The following FLT3 variants were observed in gnomAD, a reference collection of about 807,000 sequenced individuals.
The protein encoded by FLT3 is fms related receptor tyrosine kinase 3.
FLT3 carries 46 observed loss-of-function variants against 126.6 expected under a neutral mutation model. That is an observed-to-expected ratio of 0.36 (90% CI 0.29 to 0.46). The LOEUF (loss-of-function observed/expected upper bound fraction) is 0.46, where lower values mean the gene tolerates loss of function less well. FLT3 is among the 20% of genes least tolerant of loss of function. The pLI is 1.00. For synonymous variants in FLT3, 404 were observed against 434.4 expected, an observed-to-expected ratio of 0.93 and a Z score of 0.87; for missense variants, 1,069 against 1,190.3, an observed-to-expected ratio of 0.90 and a Z score of 1.50.
intron 1 of FLT3, among the ~76,000 whole-genome samples, chr13:28,092,253 C>T (rs186630535): frequency 3.9e-5 from 6 of 152,236 alleles, no homozygotes; most frequent in African/African-American, 1.2e-4. Context: ...CTCCCTCTCC[C>T]CAAATCCTCC....
chr13:28,067,204 G>C (rs1877113016), intron 2 of FLT3, among the ~76,000 whole-genome samples: 1 of 151,590 alleles, frequency 6.6e-6, no homozygotes, highest in Non-Finnish European at 1.5e-5. Flanking sequence ...GTATTTTTTA[G>C]CAGAGACGGA....
At chr13:28,024,621 G>C (rs1453142962) in intron 18 of FLT3, among the ~76,000 whole-genome samples, 1 of 152,192 alleles carries the variant, frequency 6.6e-6, no homozygotes, top group Non-Finnish European at 1.5e-5. Context: ...CAGGTAATAA[G>C]ATGGCTGTAA....
At chr13:28,086,628 G>GTA (rs200413932) in intron 1 of FLT3, among the ~76,000 whole-genome samples, 3,226 of 148,612 alleles carry the variant, frequency 0.022, 46 homozygotes, top group Middle Eastern at 0.031. Context: ...TCGTGTGTGT[G>GTA]TGTGTGTGTG....
chr13:28,061,650 G>C (rs1333762222), intron 3 of FLT3, among the ~76,000 whole-genome samples: 2 of 151,896 alleles, frequency 1.3e-5, no homozygotes, highest in Admixed American at 1.3e-4. Flanking sequence ...CGCGCCTGTA[G>C]TCCCAGCTAC....
At chr13:28,042,877 GAA>G (rs10713102) in intron 9 of FLT3, among the ~76,000 whole-genome samples, 74 of 142,388 alleles carry the variant, frequency 5.2e-4, no homozygotes, top group South Asian at 1.6e-3. Context: ...CAGAAAATAG[GAA>G]AAAAAAAAAA....
chr13:28,087,786 A>G (rs548150070), intron 1 of FLT3, among the ~76,000 whole-genome samples: 24 of 152,192 alleles, frequency 1.6e-4, no homozygotes, highest in African/African-American at 5.8e-4. Context: ...CTTTTCTCCT[A>G]CAATGTTTAA....
At position 28,100,454 on chromosome 13, in the gene FLT3, G is replaced by A; in HGVS notation, c.43+14C>T. 1 of 1,217,216 alleles carries A rather than the reference G, an allele frequency of 8.2e-7. No homozygotes were observed. The highest frequency in any genetic ancestry group is 1.0e-6 in the Non-Finnish European group (1 of 978,558). The allele number at this position is 1,217,216 out of a possible 1,614,324, so 75.4% of individuals were successfully genotyped here. On this transcript the variant is annotated intron_variant, in intron 1 of 23. Coordinates refer to ENST00000241453, the MANE Select transcript of FLT3 (RefSeq NM_004119.3). This position sits in a 1 kb window ranked among gnomAD's most constrained non-coding sequence, Gnocchi z 4.8. ...GGACCGCGAGGGGCTGCGAGCGAGC[G>A]AGCGGGGCCTTACCGAGCAGCGGCA...
At chr13:28,076,531 C>A (rs1360373648) in intron 1 of FLT3, among the ~76,000 whole-genome samples, 1 of 152,148 alleles carries the variant, frequency 6.6e-6, no homozygotes, top group Non-Finnish European at 1.5e-5. Flanking sequence ...GGCCTGAGAG[C>A]CCCCAGAAGG....
At chr13:28,099,434 A>C (rs1879678433) in intron 1 of FLT3, among the ~76,000 whole-genome samples, 1 of 152,238 alleles carries the variant, frequency 6.6e-6, no homozygotes, top group Non-Finnish European at 1.5e-5. Flanking sequence ...AATTATTTGT[A>C]ACAAAAGCTA....
intron 9 of FLT3, among the ~76,000 whole-genome samples, chr13:28,045,341 A>G (rs1360979238): frequency 6.6e-6 from 1 of 152,228 alleles, no homozygotes; most frequent in Non-Finnish European, 1.5e-5. Context: ...ACACCCATCA[A>G]GAGGATATTA....
intron 3 of FLT3, among the ~76,000 whole-genome samples, chr13:28,058,810 T>C (rs1302295171): frequency 6.6e-6 from 1 of 152,236 alleles, no homozygotes; most frequent in Non-Finnish European, 1.5e-5. Context: ...ATATACTTGA[T>C]TTGCTTCTGC....
chr13:28,052,002 T>C (rs972809047), intron 5 of FLT3, among the ~76,000 whole-genome samples: 12 of 151,848 alleles, frequency 7.9e-5, no homozygotes, highest in African/African-American at 2.7e-4. Flanking sequence ...ATTTGAGGGG[T>C]TCCAAAAAGC....
Position 28,049,656 on chromosome 13 carries a change from T to C in FLT3, c.861A>G (p.Leu287=). The change falls in exon 7 of 24, where the codon TTA becomes TTG. Residue 287 remains leucine (L), a synonymous_variant. Coordinates refer to ENST00000241453, the MANE Select transcript of FLT3 (RefSeq NM_004119.3). ...VNHGFGLTWE[L]ENKALEEGNY... Reference sequence around the variant, plus strand: ...TTACCTCCTCGAGTGCTTTGTTTTCTAATTCCCAGGTGAGCCCGAATCCAT... The same window carrying C: ...TTACCTCCTCGAGTGCTTTGTTTTCCAATTCCCAGGTGAGCCCGAATCCAT... 2 of 1,614,196 alleles carry C rather than the reference T, an allele frequency of 1.2e-6. No homozygotes were observed. Among genetic ancestry groups the C allele is most frequent in the Non-Finnish European group, 1.7e-6 (2 of 1,180,018 alleles).
chr13:28,081,869 T>A (rs965258299), intron 1 of FLT3, among the ~76,000 whole-genome samples: 1 of 127,822 alleles, frequency 7.8e-6, no homozygotes, highest in African/African-American at 2.8e-5. Flanking sequence ...TTTTTTTTTT[T>A]TTTGTGAGAC....
At chr13:28,052,433 T>C in intron 5 of FLT3, 112 bp downstream of exon 5, 1 of 1,146,328 alleles carries the variant, frequency 8.7e-7, no homozygotes, top group South Asian at 1.7e-5. Context: ...AAGCCAAAGT[T>C]TCCTGTTTAA....
intron 1 of FLT3, among the ~76,000 whole-genome samples, chr13:28,087,384 C>G (rs1412353932): frequency 6.6e-6 from 1 of 152,172 alleles, no homozygotes; most frequent in Non-Finnish European, 1.5e-5. Context: ...TGTCTTTTGA[C>G]TTACATAGTT....
At chr13:28,099,023 C>T (rs1033747422) in intron 1 of FLT3, among the ~76,000 whole-genome samples, 2 of 152,030 alleles carry the variant, frequency 1.3e-5, no homozygotes, top group Non-Finnish European at 2.9e-5. Context: ...TATTTGGGCA[C>T]GTACATATGT....
At chr13:28,099,410 T>A (rs1879677303) in intron 1 of FLT3, among the ~76,000 whole-genome samples, 1 of 152,266 alleles carries the variant, frequency 6.6e-6, no homozygotes, top group African/African-American at 2.4e-5. Flanking sequence ...CATTTTTTAC[T>A]TTTTATATTT....
chr13:28,084,575 A>G (rs941837936), intron 1 of FLT3, among the ~76,000 whole-genome samples: 3 of 151,690 alleles, frequency 2.0e-5, no homozygotes, highest in Non-Finnish European at 2.9e-5. Context: ...CTGGCTAATT[A>G]TTTTTTTCTA....
Sources: allele counts gnomAD v4.1 joint callset (sites outside exome capture counted in the v4.1 genomes callset), GRCh38; gene constraint gnomAD v4.1.1; non-coding constraint Gnocchi (gnomAD v3.1); transcripts MANE v1.5; gene names NCBI Gene and HGNC (gene_info 2026-07-23, HGNC 2026-07-21).